ADAMTS17: variants seen among roughly 807,000 people sequenced by gnomAD.
The protein encoded by ADAMTS17 is ADAM metallopeptidase with thrombospondin type 1 motif 17.
In ADAMTS17, 113 loss-of-function variants were observed where a neutral mutation model predicts 141.5. That is an observed-to-expected ratio of 0.80 (90% confidence interval 0.69 to 0.93). ADAMTS17 has a LOEUF of 0.93. Among genes scored for constraint, ADAMTS17 ranks in the 40% least tolerant of loss-of-function variants. ADAMTS17 has a pLI of 0.00. For missense variants in ADAMTS17, 1,659 were observed against 1,517.9 expected, an observed-to-expected ratio of 1.09 and a Z score of -1.54; for synonymous variants, 768 against 630.6, an observed-to-expected ratio of 1.22 and a Z score of -3.27.
intron 14 of ADAMTS17, among the ~76,000 whole-genome samples, chr15:100,104,541 G>A (rs569516786): frequency 6.6e-6 from 1 of 152,180 alleles, no homozygotes; most frequent in South Asian, 2.1e-4. Flanking sequence ...CTACCAACTA[G>A]TTACTATGTT....
chr15:100,275,900 G>A (rs1347291806), intron 4 of ADAMTS17, among the ~76,000 whole-genome samples: 1 of 140,704 alleles, frequency 7.1e-6, no homozygotes, highest in Admixed American at 7.1e-5. Context: ...GCACTGTTAG[G>A]CCCCAGTCTG....
At chr15:100,298,886 G>C (rs954442000) in intron 3 of ADAMTS17, among the ~76,000 whole-genome samples, 2 of 152,134 alleles carry the variant, frequency 1.3e-5, no homozygotes, top group African/African-American at 4.8e-5. Flanking sequence ...CAGTCCCAGA[G>C]GCTGGAAGTC....
chr15:99,978,251 C>G (rs1372760105), intron 20 of ADAMTS17, among the ~76,000 whole-genome samples: 3 of 152,178 alleles, frequency 2.0e-5, no homozygotes, highest in Admixed American at 2.0e-4. Context: ...CTTCTGCAAG[C>G]CAGGTGGATT....
At chr15:100,041,970 G>A (rs189749653) in intron 18 of ADAMTS17, among the ~76,000 whole-genome samples, 152 of 152,314 alleles carry the variant, frequency 1.0e-3, no homozygotes, top group African/African-American at 3.2e-3. Flanking sequence ...CACCTTGCCA[G>A]GTTCAACAGT....
chr15:99,995,736 C>T (rs2060788344), intron 19 of ADAMTS17, among the ~76,000 whole-genome samples: 1 of 152,198 alleles, frequency 6.6e-6, no homozygotes, highest in South Asian at 2.1e-4. Context: ...CACTTTGGGA[C>T]TTCAGCACGT....
intron 7 of ADAMTS17, among the ~76,000 whole-genome samples, chr15:100,243,034 G>C (rs555011797): frequency 3.3e-5 from 5 of 152,304 alleles, no homozygotes; most frequent in African/African-American, 9.6e-5. Context: ...CTGTCTCCAT[G>C]AATCTGACCA....
chr15:100,273,822 T>C (rs1485347206), intron 4 of ADAMTS17, among the ~76,000 whole-genome samples: 2 of 152,224 alleles, frequency 1.3e-5, no homozygotes, highest in African/African-American at 2.4e-5. Flanking sequence ...CTATACATGC[T>C]ATACATTTCC....
chr15:100,133,849 C>T (rs2038185316), intron 10 of ADAMTS17, among the ~76,000 whole-genome samples: 1 of 152,256 alleles, frequency 6.6e-6, no homozygotes, highest in African/African-American at 2.4e-5. Context: ...ACAGGGGCAA[C>T]CTTCTGTTCT....
chr15:100,278,877 C>T (rs139442530), intron 4 of ADAMTS17, among the ~76,000 whole-genome samples: 2 of 152,112 alleles, frequency 1.3e-5, no homozygotes, highest in Admixed American at 6.5e-5. Context: ...CCTGTGTGAC[C>T]CTGGCAATGT....
chr15:100,173,471 C>G (rs1340496183), intron 8 of ADAMTS17, among the ~76,000 whole-genome samples: 4 of 152,270 alleles, frequency 2.6e-5, no homozygotes, highest in African/African-American at 9.6e-5. Context: ...GACAAGGCAC[C>G]AAGATAGCTT....
At chr15:100,145,606 C>G (rs569953375) in intron 10 of ADAMTS17, among the ~76,000 whole-genome samples, 3 of 152,010 alleles carry the variant, frequency 2.0e-5, no homozygotes, top group Non-Finnish European at 4.4e-5. Context: ...GCCTGCCTCA[C>G]GAAGACACAC....
chr15:100,214,944 A>G (rs922533228), intron 7 of ADAMTS17, among the ~76,000 whole-genome samples: 1 of 152,174 alleles, frequency 6.6e-6, no homozygotes, highest in African/African-American at 2.4e-5. Flanking sequence ...ACTCTCTTTT[A>G]GGAGGAAACA....
intron 18 of ADAMTS17, among the ~76,000 whole-genome samples, chr15:100,012,052 C>A (rs557749944): frequency 5.3e-5 from 8 of 152,310 alleles, no homozygotes; most frequent in Non-Finnish European, 7.4e-5. Flanking sequence ...ATGTCAACAT[C>A]TACTGTTTTT....
At chr15:100,315,744 ACACACAG>A (rs1235335541) in intron 3 of ADAMTS17, among the ~76,000 whole-genome samples, 3 of 152,230 alleles carry the variant, frequency 2.0e-5, no homozygotes, top group Admixed American at 6.5e-5. Context: ...ACACACACTC[ACACACAG>A]TCACTGAAAG....
intron 20 of ADAMTS17, among the ~76,000 whole-genome samples, chr15:99,986,950 G>C (rs934708619): frequency 6.6e-6 from 1 of 152,206 alleles, no homozygotes; most frequent in East Asian, 1.9e-4. Flanking sequence ...AGATGGGAAC[G>C]TGATGTGTGT....
Position 100,081,030 on chromosome 15 carries a change from G to A in ADAMTS17, c.2137+15326C>T, listed in dbSNP as rs2034699054. Among the ~76,000 whole-genome samples, 3 of 152,180 alleles carry A rather than the reference G, an allele frequency of 2.0e-5. No individual in the cohort carries two copies. The South Asian group carries it at 6.2e-4, about 32-fold the overall frequency. ...TTAAAGGATACAAAGTATTGATCCTGGATGTGTCTGTGAGGGTGTTGCCAA... is the reference window on the plus strand; with the variant it reads ...TTAAAGGATACAAAGTATTGATCCTAGATGTGTCTGTGAGGGTGTTGCCAA... On this transcript the variant is annotated intron_variant, in intron 15 of 21. Transcript: ENST00000268070.
chr15:100,153,406 T>C (rs1458674348), intron 9 of ADAMTS17, among the ~76,000 whole-genome samples: 10 of 151,550 alleles, frequency 6.6e-5, no homozygotes, highest in Non-Finnish European at 1.0e-4. Context: ...TTTGGGAGGC[T>C]GAGGTGGGTG....
intron 7 of ADAMTS17, among the ~76,000 whole-genome samples, chr15:100,204,267 G>T (rs2041449026): frequency 6.6e-6 from 1 of 152,190 alleles, no homozygotes; most frequent in African/African-American, 2.4e-5. Context: ...TGCAGCTGGT[G>T]GCCTTGCTGC....
At chr15:100,323,300 TTAAA>T (rs555921943) in intron 3 of ADAMTS17, among the ~76,000 whole-genome samples, 14 of 152,160 alleles carry the variant, frequency 9.2e-5, no homozygotes, top group Middle Eastern at 3.4e-3. Flanking sequence ...TTTAAAGGGG[TTAAA>T]TAAATAACCC....
Sources: allele counts gnomAD v4.1 joint callset (sites outside exome capture counted in the v4.1 genomes callset), GRCh38; gene constraint gnomAD v4.1.1; transcripts MANE v1.5; gene names NCBI Gene and HGNC (gene_info 2026-07-23, HGNC 2026-07-21).